The following DLGAP2 variants were observed in gnomAD, a reference collection of about 807,000 sequenced individuals.
DLGAP2 encodes DLG associated protein 2.
Under a neutral mutation model 100.3 loss-of-function variants are expected in DLGAP2, and 26 were observed. That is an observed-to-expected ratio of 0.26 (90% CI 0.19 to 0.36). The LOEUF (loss-of-function observed/expected upper bound fraction) is 0.36, where lower values mean the gene tolerates loss of function less well. Ranked by LOEUF, DLGAP2 falls within the 10% of genes least tolerant of loss-of-function variation. The pLI is 1.00. For missense variants in DLGAP2, 1,858 were observed against 1,453.2 expected (o/e 1.28, Z -4.53); for synonymous variants, 886 against 630.1 (o/e 1.41, Z -6.08).
chr8:1,552,683 A>G (rs994971430), intron 5 of DLGAP2, among the ~76,000 whole-genome samples: 23 of 152,250 alleles, frequency 1.5e-4, no homozygotes, highest in African/African-American at 5.3e-4. Flanking sequence ...TACGGATAAG[A>G]TTTAAAAGAA....
chr8:1,530,310 C>T (rs1386830687), intron 4 of DLGAP2, among the ~76,000 whole-genome samples: 3 of 152,100 alleles, frequency 2.0e-5, no homozygotes, highest in Non-Finnish European at 2.9e-5. Flanking sequence ...AAGAATTCAG[C>T]GATATTTCTC....
At chr8:1,287,635 T>A (rs1343617122) in intron 3 of DLGAP2, among the ~76,000 whole-genome samples, 3 of 32,114 alleles carry the variant, frequency 9.3e-5, no homozygotes, top group East Asian at 6.3e-4. Flanking sequence ...TTCGGTTGAG[T>A]GTGTGTGTGT....
intron 1 of DLGAP2, among the ~76,000 whole-genome samples, chr8:789,909 C>G (rs1447759761): frequency 1.3e-5 from 2 of 152,218 alleles, no homozygotes; most frequent in African/African-American, 4.8e-5. Flanking sequence ...AAGTCAGAAT[C>G]TTAGCTGCAC....
chr8:1,089,452 G>A (rs1315979901), intron 2 of DLGAP2, among the ~76,000 whole-genome samples: 2 of 152,182 alleles, frequency 1.3e-5, no homozygotes, highest in East Asian at 3.9e-4. Context: ...TCAGGGGCCT[G>A]AATGGGCCCA....
intron 2 of DLGAP2, among the ~76,000 whole-genome samples, chr8:976,143 T>C (rs1800156794): frequency 1.3e-5 from 2 of 152,184 alleles, no homozygotes; most frequent in African/African-American, 4.8e-5. Context: ...AAAGCATGCA[T>C]AAGATCTGTA....
At chr8:1,215,483 G>C (rs1419337938) in intron 2 of DLGAP2, among the ~76,000 whole-genome samples, 6 of 89,978 alleles carry the variant, frequency 6.7e-5, no homozygotes, top group East Asian at 3.8e-4. Context: ...CAGGTACCTG[G>C]ATGGGTTCAT....
intron 5 of DLGAP2, among the ~76,000 whole-genome samples, chr8:1,557,547 G>A (rs985119932): frequency 6.6e-5 from 10 of 152,160 alleles, no homozygotes; most frequent in African/African-American, 2.4e-4. Flanking sequence ...GAGGCAAGGA[G>A]TGGCCGTCCT....
At chr8:850,132 G>T (rs1000122253) in intron 1 of DLGAP2, among the ~76,000 whole-genome samples, 3 of 151,790 alleles carry the variant, frequency 2.0e-5, no homozygotes, top group African/African-American at 7.3e-5. Context: ...TGTATTCTGG[G>T]TCTGAGTCCC....
rs1479259220 is a variant in DLGAP2 at position 1,617,087 on chromosome 8, G to A, written c.1443-9653G>A. On this transcript the variant is annotated intron_variant, in intron 6 of 14. Transcript: ENST00000637795. ...TCTCATTCTTTTTTATGGCTGCATA[G>A]TATTCCACGGTGTACATGCACCACA... Among the ~76,000 whole-genome samples, 3 of 152,148 alleles carry A rather than the reference G, an allele frequency of 2.0e-5. No homozygotes were observed. In the East Asian group the frequency reaches 5.8e-4, roughly 29 times the overall value.
chr8:1,087,798 C>T (rs1804025151), intron 2 of DLGAP2, among the ~76,000 whole-genome samples: 1 of 152,214 alleles, frequency 6.6e-6, no homozygotes, highest in South Asian at 2.1e-4. Context: ...TTACTGTCTC[C>T]TGACCCTCCT....
chr8:1,239,379 T>TAC (rs1263441506), intron 2 of DLGAP2, among the ~76,000 whole-genome samples: 3 of 22,304 alleles, frequency 1.3e-4, no homozygotes, highest in Admixed American at 4.5e-4. Flanking sequence ...CGTGTCTAGT[T>TAC]CTCTCACGTG....
chr8:1,361,924 C>T (rs1801991112), intron 3 of DLGAP2, among the ~76,000 whole-genome samples: 1 of 152,216 alleles, frequency 6.6e-6, no homozygotes, highest in Non-Finnish European at 1.5e-5. Context: ...CTGCCCCAGC[C>T]TGGCAGGTCT....
At chr8:1,611,045 C>T (rs1185172827) in intron 6 of DLGAP2, among the ~76,000 whole-genome samples, 1 of 139,154 alleles carries the variant, frequency 7.2e-6, no homozygotes, top group African/African-American at 2.8e-5. Context: ...TTTATGAGGC[C>T]AGCATCATTC....
At chr8:1,528,855 T>C (rs1800885189) in intron 4 of DLGAP2, among the ~76,000 whole-genome samples, 1 of 152,146 alleles carries the variant, frequency 6.6e-6, no homozygotes, top group African/African-American at 2.4e-5. Context: ...AAATGCTTGA[T>C]TTCCTAGGTG....
At chr8:1,508,368 CT>C (rs1800016560) in intron 4 of DLGAP2, among the ~76,000 whole-genome samples, 1 of 47,142 alleles carries the variant, frequency 2.1e-5, no homozygotes, top group East Asian at 5.7e-4. Flanking sequence ...CCGCCACCCC[CT>C]GCAAACGCCC....
chr8:1,275,888 T>TATAAATAA (rs1799678798), intron 3 of DLGAP2, among the ~76,000 whole-genome samples: 2 of 122,236 alleles, frequency 1.6e-5, no homozygotes, highest in African/African-American at 6.6e-5. Flanking sequence ...TAAATAAATA[T>TATAAATAA]ATAATATATA....
intron 3 of DLGAP2, among the ~76,000 whole-genome samples, chr8:1,344,223 G>T (rs76197274): frequency 2.2e-5 from 1 of 45,770 alleles, no homozygotes; most frequent in African/African-American, 6.7e-5. Context: ...GGCCTGTGCC[G>T]TGTAGAATCT....
intron 2 of DLGAP2, among the ~76,000 whole-genome samples, chr8:1,131,356 C>T (rs993272491): frequency 6.6e-5 from 10 of 152,138 alleles, no homozygotes; most frequent in African/African-American, 1.7e-4. Context: ...TCCAGATCCA[C>T]GTGCCGGCAG....
intron 3 of DLGAP2, among the ~76,000 whole-genome samples, chr8:1,409,515 G>A (rs56976362): frequency 0.021 from 3,199 of 152,314 alleles, 103 homozygotes; most frequent in African/African-American, 0.073. Flanking sequence ...TGGGTGTGAC[G>A]AACGTGCTCA....
Sources: allele counts gnomAD v4.1 joint callset (sites outside exome capture counted in the v4.1 genomes callset), GRCh38; gene constraint gnomAD v4.1.1; transcripts MANE v1.5; gene names NCBI Gene and HGNC (gene_info 2026-07-23, HGNC 2026-07-21).